The following CFAP95 variants were observed in gnomAD, a reference collection of about 807,000 sequenced individuals.
The protein encoded by CFAP95 is cilia and flagella associated protein 95.
chr9:69,881,842 A>G, the CFAP95 span, among the ~76,000 whole-genome samples: 26 of 152,026 alleles, frequency 1.7e-4, no homozygotes, highest in Non-Finnish European at 2.9e-5. Context: ...AATTTCTCTC[A>G]TCCATGTTTT....
chr9:69,869,850 C>T, the CFAP95 span, among the ~76,000 whole-genome samples: 1 of 151,842 alleles, frequency 6.6e-6, no homozygotes, highest in African/African-American at 2.4e-5. Flanking sequence ...AATAAAGAGC[C>T]AGTATAATTA....
the CFAP95 span, among the ~76,000 whole-genome samples, chr9:69,881,025 T>C: frequency 6.6e-6 from 1 of 152,168 alleles, no homozygotes; most frequent in Non-Finnish European, 1.5e-5. Context: ...TTTTTTTTCC[T>C]GTAGAGTTGT....
chr9:69,828,712 T>C, the CFAP95 span, among the ~76,000 whole-genome samples: 3 of 152,032 alleles, frequency 2.0e-5, no homozygotes, highest in Non-Finnish European at 4.4e-5. Flanking sequence ...TAAAATAAAA[T>C]AAATGAGTCT....
At chr9:69,882,748 A>G in the CFAP95 span, among the ~76,000 whole-genome samples, 1 of 152,194 alleles carries the variant, frequency 6.6e-6, no homozygotes, top group African/African-American at 2.4e-5. Flanking sequence ...GATGTATCAC[A>G]CTGATAGATT....
At chr9:69,868,611 T>G in the CFAP95 span, among the ~76,000 whole-genome samples, 1 of 145,836 alleles carries the variant, frequency 6.9e-6, no homozygotes, top group Non-Finnish European at 1.5e-5. Flanking sequence ...TGAGCTGAGA[T>G]CATGCCATTG....
At chr9:69,856,609 T>A in the CFAP95 span, 1 of 1,612,490 alleles carries the variant, frequency 6.2e-7, no homozygotes, top group Non-Finnish European at 8.5e-7. Context: ...AAACACAGAA[T>A]GGGTTGAAAT....
At chr9:69,834,457 AT>A in the CFAP95 span, among the ~76,000 whole-genome samples, 1 of 152,178 alleles carries the variant, frequency 6.6e-6, no homozygotes, top group African/African-American at 2.4e-5. Context: ...GGGATTATCA[AT>A]TGCAGTGTTG....
At chr9:69,823,212 C>T in the CFAP95 span, among the ~76,000 whole-genome samples, 2 of 152,114 alleles carry the variant, frequency 1.3e-5, no homozygotes, top group African/African-American at 2.4e-5. Flanking sequence ...AACTTCGAAA[C>T]GCTGATAAAA....
At chr9:69,891,576 G>A in the CFAP95 span, among the ~76,000 whole-genome samples, 2 of 151,206 alleles carry the variant, frequency 1.3e-5, no homozygotes, top group African/African-American at 2.4e-5. Context: ...TATTACCTGG[G>A]TAACAAAATA....
the CFAP95 span, among the ~76,000 whole-genome samples, chr9:69,851,216 C>T: frequency 3.3e-5 from 5 of 152,094 alleles, no homozygotes; most frequent in African/African-American, 9.7e-5. Flanking sequence ...CACACACACC[C>T]GCACGCACAA....
the CFAP95 span, among the ~76,000 whole-genome samples, chr9:69,839,859 G>A: frequency 1.2e-4 from 18 of 151,104 alleles, no homozygotes; most frequent in South Asian, 2.1e-4. Flanking sequence ...GTGGATCACC[G>A]AAGGTCAGGA....
At chr9:69,857,055 C>T in the CFAP95 span, among the ~76,000 whole-genome samples, 1 of 151,502 alleles carries the variant, frequency 6.6e-6, no homozygotes, top group Admixed American at 6.6e-5. Context: ...ACAAAAGCAT[C>T]TACTTCGTAG....
At chr9:69,888,885 G>GA in the CFAP95 span, among the ~76,000 whole-genome samples, 65,592 of 148,726 alleles carry the variant, frequency 0.44, 14,420 homozygotes, top group Middle Eastern at 0.66. Context: ...CTCAAAAAGG[G>GA]AAAAAAAAAA....
chr9:69,874,885 G>A, the CFAP95 span, among the ~76,000 whole-genome samples: 1 of 152,188 alleles, frequency 6.6e-6, no homozygotes, highest in Non-Finnish European at 1.5e-5. Context: ...TTGGCTGTCA[G>A]TAAGTCCGGG....
At chr9:69,897,371 C>A in the CFAP95 span, among the ~76,000 whole-genome samples, 1 of 152,148 alleles carries the variant, frequency 6.6e-6, no homozygotes, top group African/African-American at 2.4e-5. Flanking sequence ...TTTGCACTGA[C>A]TAATTTGGCC....
At chr9:69,869,319 C>T in the CFAP95 span, among the ~76,000 whole-genome samples, 1 of 152,014 alleles carries the variant, frequency 6.6e-6, no homozygotes, top group Non-Finnish European at 1.5e-5. Flanking sequence ...ATAGATAAAC[C>T]TAGAGGATAT....
chr9:69,828,243 A>G, the CFAP95 span, among the ~76,000 whole-genome samples: 1 of 152,190 alleles, frequency 6.6e-6, no homozygotes, highest in Non-Finnish European at 1.5e-5. Flanking sequence ...ATTTTTCCCA[A>G]AGCAAATGTG....
the CFAP95 span, among the ~76,000 whole-genome samples, chr9:69,874,802 A>T: frequency 6.6e-6 from 1 of 152,164 alleles, no homozygotes; most frequent in Non-Finnish European, 1.5e-5. Flanking sequence ...ACGAGTAGGG[A>T]TGGGAGCTGT....
At chr9:69,820,877 C>A in the CFAP95 span, 1 of 1,613,810 alleles carries the variant, frequency 6.2e-7, no homozygotes, top group Non-Finnish European at 8.5e-7. Context: ...CTCGAGGGCT[C>A]CCATGGATAG....
Sources: gnomAD v4.1 joint callset for allele counts (sites outside exome capture counted in the v4.1 genomes callset) on GRCh38, gnomAD v4.1.1 for gene constraint, MANE v1.5 for transcripts, NCBI Gene and HGNC (gene_info 2026-07-23, HGNC 2026-07-21) for gene names.